Variants in GABRB2 observed in about 807,000 individuals in gnomAD.
The protein encoded by GABRB2 is gamma-aminobutyric acid type A receptor subunit beta2, also known as gamma-aminobutyric acid receptor subunit beta-2.
In GABRB2, 16 loss-of-function variants were observed where a neutral mutation model predicts 54.7. That is an observed-to-expected ratio of 0.29 (90% confidence interval 0.20 to 0.44). The LOEUF is 0.44. Among genes scored for constraint, GABRB2 ranks in the 20% least tolerant of loss-of-function variants. The pLI, the probability that GABRB2 is intolerant of heterozygous loss-of-function variation, is 1.00. For missense variants in GABRB2, 355 were observed against 644.0 expected (o/e 0.55, Z 4.86); for synonymous variants, 244 against 233.8 (o/e 1.04, Z -0.40).
At chr5:161,402,243 T>C (rs1338420513) in intron 5 of GABRB2, among the ~76,000 whole-genome samples, 1 of 152,106 alleles carries the variant, frequency 6.6e-6, no homozygotes, top group Non-Finnish European at 1.5e-5. Context: ...TTCATTTAAA[T>C]GTAGATACTA....
At chr5:161,330,760 G>A (rs1353276864) in intron 8 of GABRB2, 123 bp downstream of exon 8, 1 of 1,366,132 alleles carries the variant, frequency 7.3e-7, no homozygotes, top group African/African-American at 1.4e-5. Context: ...GTGCTTTGGG[G>A]AAAATTACCC....
rs534042984 is a variant in GABRB2 at position 161,291,625 on chromosome 5, T to G, written c.*2456A>C. On this transcript the variant is annotated 3_prime_UTR_variant, in exon 10 of 10. Transcript: ENST00000393959. ...GAGCAGAAATGAATTCCTGGTTTTA[T>G]GCTTTTGAGGCTCAAGCTGCAAAGA... The G allele has an allele frequency of 4.6e-5, 7 of 152,746 alleles. No homozygotes were observed. In the East Asian group the frequency reaches 1.2e-3, roughly 25 times the overall value. The allele number at this position is 152,746 out of a possible 1,614,324, so 9.5% of individuals were successfully genotyped here.
At chr5:161,315,925 A>G (rs754423663) in intron 9 of GABRB2, among the ~76,000 whole-genome samples, 15 of 152,216 alleles carry the variant, frequency 9.9e-5, no homozygotes, top group Non-Finnish European at 1.5e-4. Flanking sequence ...ATTTCTTTCC[A>G]TAGACATTTT....
intron 4 of GABRB2, among the ~76,000 whole-genome samples, chr5:161,412,612 G>A (rs1278067302): frequency 6.6e-6 from 1 of 152,122 alleles, no homozygotes; most frequent in Non-Finnish European, 1.5e-5. Flanking sequence ...CAGAGTCCTG[G>A]CTATAGCCAG....
intron 5 of GABRB2, among the ~76,000 whole-genome samples, chr5:161,389,578 G>GT (rs1261833051): frequency 6.6e-6 from 1 of 151,346 alleles, no homozygotes; most frequent in African/African-American, 2.4e-5. Flanking sequence ...TGGAGTGTGT[G>GT]TGTGTGTGTG....
intron 5 of GABRB2, among the ~76,000 whole-genome samples, chr5:161,341,968 T>TATATAC (rs1205547471): frequency 2.6e-3 from 82 of 31,116 alleles, no homozygotes; most frequent in African/African-American, 4.2e-3. Context: ...TATATATATA[T>TATATAC]ACATACTTTA....
chr5:161,522,331 AC>A (rs1483771605), intron 3 of GABRB2, among the ~76,000 whole-genome samples: 3 of 151,824 alleles, frequency 2.0e-5, no homozygotes, highest in Non-Finnish European at 3.0e-5. Flanking sequence ...TATAAAAAAT[AC>A]AGCATCCAAC....
upstream of GABRB2, chr5:161,546,737 G>A (rs1283305510): frequency 2.0e-6 from 3 of 1,532,426 alleles, no homozygotes; most frequent in Non-Finnish European, 2.6e-6. Context: ...AGGCGCATGC[G>A]CACGGCGTAC....
Position 161,294,295 on chromosome 5 carries a change from C to T in GABRB2, c.1325G>A (p.Arg442Gln), listed in dbSNP as rs779091017. ...LAYDASSIQY[R>Q]KAGLPRHSFG... The stretch of plus-strand genomic sequence containing the variant: ...ACTATGCCTGGGCAACCCAGCTTTC[C>T]GATACTGGATGCTGGAGGCATCATA... Residue 442 changes from arginine to glutamine, a missense_variant, in exon 10 of 10, where the codon CGG (arginine) becomes CAG (glutamine). Physicochemically the swap from Arg to Gln is conservative, Grantham distance 43. This residue lies in a region of GABRB2 where 201 missense variants were observed against 228.1 expected (regional missense o/e 0.88). Coordinates refer to ENST00000393959, the MANE Select transcript of GABRB2 (RefSeq NM_001371727.1). 3 of 1,613,964 alleles carry T rather than the reference C, an allele frequency of 1.9e-6. No homozygotes were observed. Among genetic ancestry groups the T allele is most frequent in the Non-Finnish European group, 8.5e-7 (1 of 1,180,000 alleles).
At chr5:161,429,440 A>G (rs1397281057) in intron 4 of GABRB2, among the ~76,000 whole-genome samples, 3 of 151,878 alleles carry the variant, frequency 2.0e-5, no homozygotes, top group Non-Finnish European at 4.4e-5. Flanking sequence ...TGAGCTAATG[A>G]GCTACAAGTT....
chr5:161,482,182 G>C (rs1005221595), intron 3 of GABRB2, among the ~76,000 whole-genome samples: 6 of 151,944 alleles, frequency 3.9e-5, no homozygotes, highest in Admixed American at 3.9e-4. Flanking sequence ...CCAGGGATGT[G>C]GGTTGCAAAC....
chr5:161,514,109 A>G (rs188415719), intron 3 of GABRB2, among the ~76,000 whole-genome samples: 2 of 152,262 alleles, frequency 1.3e-5, no homozygotes, highest in Admixed American at 1.3e-4. Flanking sequence ...GAACTTCATG[A>G]TCGCAGCTCC....
intron 9 of GABRB2, among the ~76,000 whole-genome samples, chr5:161,306,601 C>T (rs1269360715): frequency 2.6e-5 from 4 of 152,086 alleles, no homozygotes; most frequent in African/African-American, 7.2e-5. Context: ...CAGTGGACTT[C>T]GCTTCTACAG....
chr5:161,517,997 T>G (rs1250848336), intron 3 of GABRB2, among the ~76,000 whole-genome samples: 1 of 151,862 alleles, frequency 6.6e-6, no homozygotes, highest in Non-Finnish European at 1.5e-5. Context: ...TTTAGTAGAG[T>G]CGGGGTTTCC....
chr5:161,289,232 C>CTTTTTTTTTTTTTTTTTTTTTT lies in GABRB2; in HGVS notation c.*4848_*4849insAAAAAAAAAAAAAAAAAAAAAA, dbSNP rs56372028. 37 of 90,494 alleles carry CTTTTTTTTTTTTTTTTTTTTTT rather than the reference C, an allele frequency of 4.1e-4. No individual in the cohort carries two copies. The highest frequency in any genetic ancestry group is 6.8e-4 in the African/African-American group (11 of 16,220). 5.6% of individuals were successfully genotyped at this position (90,494 alleles called of 1,614,324 possible). A position where few individuals can be genotyped will look rare whatever the true frequency, so the allele number is the denominator to read the frequency against. On this transcript the variant is annotated 3_prime_UTR_variant, in exon 10 of 10. Transcript: ENST00000393959. ...ACCTAGTAGCTTTTTAAGAGTGCTG[C>CTTTTTTTTTTTTTTTTTTTTTT]TTTTTTTTTTTTTTTTTGTACAGAT...
intron 4 of GABRB2, among the ~76,000 whole-genome samples, chr5:161,439,722 G>T (rs769640940): frequency 4.6e-5 from 7 of 151,784 alleles, no homozygotes; most frequent in Non-Finnish European, 8.8e-5. Context: ...GTATGCTTAC[G>T]CAAATAATGT....
intron 9 of GABRB2, 143 bp downstream of exon 9, chr5:161,326,225 A>G: frequency 8.6e-7 from 1 of 1,161,422 alleles, no homozygotes; most frequent in Non-Finnish European, 1.2e-6. Flanking sequence ...GTCTCCTGAA[A>G]AAGTTTTAAC....
At chr5:161,468,735 T>C (rs1246581008) in intron 3 of GABRB2, among the ~76,000 whole-genome samples, 1 of 151,756 alleles carries the variant, frequency 6.6e-6, no homozygotes, top group Non-Finnish European at 1.5e-5. Flanking sequence ...TAGAACATAG[T>C]AGCAATAAAA....
At chr5:161,419,176 G>A (rs1384260336) in intron 4 of GABRB2, among the ~76,000 whole-genome samples, 1 of 152,112 alleles carries the variant, frequency 6.6e-6, no homozygotes, top group Non-Finnish European at 1.5e-5. Flanking sequence ...CTCAAAATAA[G>A]CCATACAAGT....
Sources: allele counts gnomAD v4.1 joint callset (sites outside exome capture counted in the v4.1 genomes callset), GRCh38; gene constraint gnomAD v4.1.1; regional missense constraint gnomAD v4.1.1; transcripts MANE v1.5; gene names NCBI Gene and HGNC (gene_info 2026-07-23, HGNC 2026-07-21).